ORC5: variants seen among roughly 807,000 people sequenced by gnomAD.
ORC5 encodes the protein protein phosphatase 1, regulatory subunit 117.
In ORC5, 39 loss-of-function variants were observed where a neutral mutation model predicts 58.8. That is an observed-to-expected ratio of 0.66 (90% CI 0.51 to 0.87). ORC5 has a LOEUF of 0.87. Ranked by LOEUF, ORC5 falls within the 40% of genes least tolerant of loss-of-function variation. The pLI, the probability that ORC5 is intolerant of heterozygous loss-of-function variation, is 0.00. For missense variants in ORC5, 493 were observed against 506.3 expected (o/e 0.97, Z 0.25); for synonymous variants, 218 against 177.6 (o/e 1.23, Z -1.81).
intron 12 of ORC5, among the ~76,000 whole-genome samples, chr7:104,152,410 C>T (rs769438933): frequency 6.6e-6 from 1 of 152,180 alleles, no homozygotes; most frequent in African/African-American, 2.4e-5. Context: ...TCTCAAAGCG[C>T]TGGGATTACA....
intron 6 of ORC5, among the ~76,000 whole-genome samples, chr7:104,187,264 T>C (rs1269412827): frequency 1.3e-5 from 2 of 152,216 alleles, no homozygotes; most frequent in Non-Finnish European, 2.9e-5. Flanking sequence ...AGTGATAAGC[T>C]TGAACTGGAA....
At chr7:104,173,245 T>C (rs1291347493) in intron 8 of ORC5, among the ~76,000 whole-genome samples, 1 of 152,254 alleles carries the variant, frequency 6.6e-6, no homozygotes, top group Non-Finnish European at 1.5e-5. Flanking sequence ...TTGTTGATCC[T>C]TGTAGCCAAG....
chr7:104,195,175 G>A lies in ORC5; in HGVS notation c.521C>T (p.Pro174Leu), dbSNP rs370655039. Residue 174 changes from proline to leucine, a missense_variant, in exon 5 of 14, where the codon CCG becomes CTG. Physicochemically the swap from Pro to Leu is moderately conservative, Grantham distance 98. This residue lies in a region of ORC5 where 412 missense variants were observed against 403.7 expected (regional missense o/e 1.02). Transcript: ENST00000297431. ...GTAATCAGGGAAATATAAGACAAAC[G>A]GCTCAAAGCATCCAGTATTTGGACG... ...KFRPNTGCFE[P>L]FVLYFPDYSI... 59 of 1,571,824 alleles carry A rather than the reference G, an allele frequency of 3.8e-5. No homozygotes were observed. Among genetic ancestry groups the A allele is most frequent in the Non-Finnish European group, 5.1e-5 (59 of 1,163,946 alleles).
chr7:104,195,622 C>G (rs111671300), intron 4 of ORC5, among the ~76,000 whole-genome samples: 16,987 of 152,130 alleles, frequency 0.11, 1,679 homozygotes, highest in African/African-American at 0.27. Context: ...AACTCCTGGA[C>G]TCAAGCGATC....
In ORC5 at chr7:104,165,280, A is replaced by C; in HGVS notation, c.993T>G (p.His331Gln). 1 of 1,527,874 alleles carries C rather than the reference A, an allele frequency of 6.5e-7. No individual in the cohort carries two copies. The highest frequency in any genetic ancestry group is 9.0e-7 in the Non-Finnish European group (1 of 1,116,154). The allele number at this position is 1,527,874 out of a possible 1,614,324, so 94.6% of individuals were successfully genotyped here. A position where few individuals can be genotyped will look rare whatever the true frequency, so the allele number is the denominator to read the frequency against. The change falls in exon 11 of 14, where the codon CAT (histidine) becomes CAG (glutamine). Residue 331 changes from histidine to glutamine, a missense_variant and splice_region_variant. Physicochemically the swap from His to Gln is conservative, Grantham distance 24 (BLOSUM62 0). Transcript: ENST00000297431. ...ARTDKRFFLK[H>Q]HGKIKKTNFL... is the part of the protein sequence containing the mutation. ...AGTTGGTTTTCTTGATTTTTCCATG[A>C]TGCTGCAATTAAGGAAAACAAATTT...
At chr7:104,135,495 G>A (rs1006177158) in intron 13 of ORC5, among the ~76,000 whole-genome samples, 2 of 152,056 alleles carry the variant, frequency 1.3e-5, no homozygotes, top group African/African-American at 2.4e-5. Context: ...GTCTCACTAC[G>A]TTGCCCAGGC....
intron 6 of ORC5, among the ~76,000 whole-genome samples, chr7:104,185,089 G>A (rs1465411299): frequency 6.7e-6 from 1 of 148,698 alleles, no homozygotes; most frequent in Non-Finnish European, 1.5e-5. Flanking sequence ...GTGCCCATAT[G>A]CATATTAATA....
intron 10 of ORC5, chr7:104,165,650 C>T (rs953981801): frequency 2.8e-5 from 5 of 179,272 alleles, no homozygotes; most frequent in Non-Finnish European, 5.7e-5. Flanking sequence ...ACATAATAAA[C>T]GCTGACGGAG....
chr7:104,183,011 TG>T (rs1799467281), intron 8 of ORC5, among the ~76,000 whole-genome samples: 1 of 152,146 alleles, frequency 6.6e-6, no homozygotes, highest in Non-Finnish European at 1.5e-5. Flanking sequence ...GGTGCGTGCC[TG>T]TAATCCCAGC....
intron 5 of ORC5, among the ~76,000 whole-genome samples, chr7:104,194,433 T>C (rs909498911): frequency 5.3e-5 from 8 of 152,080 alleles, no homozygotes; most frequent in African/African-American, 1.9e-4. Flanking sequence ...ATCCCAAGTA[T>C]CATCTCTGTA....
At chr7:104,182,556 A>T (rs1799456844) in intron 8 of ORC5, among the ~76,000 whole-genome samples, 1 of 152,036 alleles carries the variant, frequency 6.6e-6, no homozygotes, top group Non-Finnish European at 1.5e-5. Context: ...ATACTAGATG[A>T]TAAACGGATT....
intron 12 of ORC5, among the ~76,000 whole-genome samples, chr7:104,159,091 T>C (rs1231493506): frequency 6.6e-6 from 1 of 151,150 alleles, no homozygotes; most frequent in Non-Finnish European, 1.5e-5. Flanking sequence ...TGTCCAACAA[T>C]GATAGACTGG....
chr7:104,140,466 C>G (rs1312725274), intron 12 of ORC5, among the ~76,000 whole-genome samples: 1 of 152,080 alleles, frequency 6.6e-6, no homozygotes, highest in Non-Finnish European at 1.5e-5. Flanking sequence ...GGCTCTCTTG[C>G]TATTTTGGAA....
chr7:104,143,922 C>A (rs1313535962), intron 12 of ORC5, among the ~76,000 whole-genome samples: 1 of 151,990 alleles, frequency 6.6e-6, no homozygotes, highest in Non-Finnish European at 1.5e-5. Flanking sequence ...AGTTTCAGAT[C>A]AGCCTGGCCA....
chr7:104,150,121 C>T (rs1648598615), intron 12 of ORC5, among the ~76,000 whole-genome samples: 2 of 152,048 alleles, frequency 1.3e-5, no homozygotes, highest in Non-Finnish European at 1.5e-5. Flanking sequence ...GATGTAAAAA[C>T]AGTGTGAACC....
At chr7:104,145,395 A>G (rs1049027180) in intron 12 of ORC5, among the ~76,000 whole-genome samples, 7 of 152,226 alleles carry the variant, frequency 4.6e-5, no homozygotes, top group Admixed American at 4.6e-4. Context: ...TTTGCAGTAA[A>G]TAAATTAATG....
chr7:104,184,292 G>T, intron 6 of ORC5, 121 bp from the exon 7 acceptor site: 1 of 665,914 alleles, frequency 1.5e-6, no homozygotes, highest in Non-Finnish European at 2.5e-6. Context: ...ATTTGCTCAA[G>T]TCAAATGTAA....
intron 12 of ORC5, among the ~76,000 whole-genome samples, chr7:104,149,508 C>G (rs1025540821): frequency 1.3e-5 from 2 of 150,590 alleles, no homozygotes; most frequent in African/African-American, 2.5e-5. Flanking sequence ...AGTCAGGATT[C>G]AGATTTCATG....
chr7:104,132,061 A>G (rs1048088914), intron 13 of ORC5, among the ~76,000 whole-genome samples: 2 of 152,152 alleles, frequency 1.3e-5, no homozygotes, highest in African/African-American at 4.8e-5. Flanking sequence ...AATGAAAAAC[A>G]TTATCTCTCT....
Sources: gnomAD v4.1 joint callset for allele counts (sites outside exome capture counted in the v4.1 genomes callset) on GRCh38, gnomAD v4.1.1 for gene constraint, gnomAD v4.1.1 regional missense constraint, MANE v1.5 for transcripts, NCBI Gene and HGNC (gene_info 2026-07-23, HGNC 2026-07-21) for gene names.